CENPN: variants seen among roughly 807,000 people sequenced by gnomAD.
The protein encoded by CENPN is centromere protein N.
CENPN carries 36 observed loss-of-function variants against 48.6 expected under a neutral mutation model. That is an observed-to-expected ratio of 0.74 (90% CI 0.57 to 0.98). The LOEUF is 0.98. CENPN is among the 50% of genes least tolerant of loss of function. The pLI is 0.00. For missense variants in CENPN, 439 were observed against 399.2 expected, an observed-to-expected ratio of 1.10 and a Z score of -0.85; for synonymous variants, 166 against 135.2, an observed-to-expected ratio of 1.23 and a Z score of -1.58.
intron 1 of CENPN, among the ~76,000 whole-genome samples, chr16:81,011,133 C>G (rs1969724246): frequency 1.3e-5 from 2 of 152,148 alleles, no homozygotes; most frequent in Admixed American, 1.3e-4. Flanking sequence ...CTTCCCTGTT[C>G]CTCGAAGGCC....
At position 81,030,309 on chromosome 16, in the gene CENPN, T is replaced by G. The variant is rs1225177695; in HGVS notation, c.*1658T>G. ...GAGGATTTGGAGTTACAGAAACACA[T>G]TAGACTGGGCATGGTGGCTCACACT... On this transcript the variant is annotated 3_prime_UTR_variant, in exon 11 of 11. Coordinates refer to ENST00000305850, the MANE Select transcript of CENPN (RefSeq NM_001100624.3). 1.0e-6 allele frequency: 1 copy of G among 985,322 alleles called. No homozygotes were observed. 61.0% of individuals were successfully genotyped at this position (985,322 alleles called of 1,614,324 possible).
At position 81,022,370 on chromosome 16, in the gene CENPN, C is replaced by T. The variant is rs905925275; in HGVS notation, c.532-227C>T. The T allele has an allele frequency of 3.9e-5, 18 of 465,880 alleles. No homozygotes were observed. In the East Asian group the frequency reaches 5.3e-4, roughly 14 times the overall value. 28.9% of individuals were successfully genotyped at this position (465,880 alleles called of 1,614,324 possible). A position where few individuals can be genotyped will look rare whatever the true frequency, so the allele number is the denominator to read the frequency against. On this transcript the variant is annotated intron_variant, in intron 6 of 10. Coordinates refer to ENST00000305850, the MANE Select transcript of CENPN (RefSeq NM_001100624.3). Reference sequence around the variant, plus strand: ...AGTAACTCCTAACTTTAAACAGGATCGCTTTTCTAAGAAATGATACAAAAG... The same window carrying T: ...AGTAACTCCTAACTTTAAACAGGATTGCTTTTCTAAGAAATGATACAAAAG...
chr16:81,017,726 G>A, intron 4 of CENPN, 32 bp from the exon 5 acceptor site: 1 of 1,482,920 alleles, frequency 6.7e-7, no homozygotes. Flanking sequence ...TAGCTCCCTT[G>A]ATTTTTCTTT....
intron 1 of CENPN, among the ~76,000 whole-genome samples, chr16:81,007,899 G>C (rs1567544379): frequency 6.6e-6 from 1 of 152,122 alleles, no homozygotes; most frequent in Non-Finnish European, 1.5e-5. Context: ...CTTAGGTCAG[G>C]AGTTCGAGAC....
Position 81,029,747 on chromosome 16 carries a change from G to T in CENPN, c.*1096G>T, listed in dbSNP as rs1970682674. ...GCACCACCATGCCCAGCTAATTTTT[G>T]TATTTTTAGTAGAGACAGGGTTTCT... is the stretch of plus-strand genomic sequence containing the variant. On this transcript the variant is annotated 3_prime_UTR_variant, in exon 11 of 11. Transcript: ENST00000305850. 6.6e-6 allele frequency among the ~76,000 whole-genome samples: 1 copy of T among 152,052 alleles called. No individual in the cohort carries two copies. Among genetic ancestry groups the T allele is most frequent in the South Asian group, 2.1e-4 (1 of 4,816 alleles).
downstream of CENPN, chr16:81,033,008 C>G (rs1255433740): frequency 5.2e-6 from 1 of 193,068 alleles, no homozygotes; most frequent in Non-Finnish European, 1.1e-5. Context: ...AAAAGTGATA[C>G]ACAAAATGGC....
chr16:81,029,897 A>T lies in CENPN; in HGVS notation c.*1246A>T, dbSNP rs1383128810. On this transcript the variant is annotated 3_prime_UTR_variant, in exon 11 of 11. Transcript: ENST00000305850. ...CATGCTGCTAATAAAGATACCTAAG[A>T]CTGGGTAATTCACAAAGGAAAGAGG... Among the ~76,000 whole-genome samples, 1 of 152,190 alleles carries T rather than the reference A, an allele frequency of 6.6e-6. No individual in the cohort carries two copies. The highest frequency in any genetic ancestry group is 1.5e-5 in the Non-Finnish European group (1 of 68,046).
intron 9 of CENPN, among the ~76,000 whole-genome samples, chr16:81,027,471 C>T (rs2151713737): frequency 6.6e-6 from 1 of 152,270 alleles, no homozygotes. Flanking sequence ...CAAAGTAAGA[C>T]TCTGTCTCAA....
chr16:81,014,746 G>C (rs1597309406), intron 3 of CENPN, among the ~76,000 whole-genome samples: 1 of 152,268 alleles, frequency 6.6e-6, no homozygotes, highest in East Asian at 1.9e-4. Flanking sequence ...TGGCACATCA[G>C]AAACACAAAG....
intron 3 of CENPN, 69 bp downstream of exon 3, chr16:81,014,250 T>C: frequency 7.4e-7 from 1 of 1,359,240 alleles, no homozygotes; most frequent in Admixed American, 1.7e-5. Flanking sequence ...TTTCTTTCTT[T>C]GTGAGACAGG....
chr16:81,025,128 G>A (rs1044204995), intron 8 of CENPN, among the ~76,000 whole-genome samples: 1 of 119,642 alleles, frequency 8.4e-6, no homozygotes, highest in African/African-American at 2.9e-5. Flanking sequence ...CAGGAAACTG[G>A]GTTTCAGGGA....
In CENPN at chr16:81,025,689, CTCTTTTT is replaced by C. The variant is rs1267257403; in HGVS notation, c.698-835_698-829del. On this transcript the variant is annotated intron_variant, in intron 8 of 10. Coordinates refer to ENST00000305850, the MANE Select transcript of CENPN (RefSeq NM_001100624.3). ...TGGGCAACATAGTGAGACCCTGTCT[CTCTTTTT>C]TTTTTTTTTTTTTTTTTTTTTTTTA... Among the ~76,000 whole-genome samples, 56 of 135,232 alleles carry C rather than the reference CTCTTTTT, an allele frequency of 4.1e-4. 3 individuals are homozygous for C. The highest frequency in any genetic ancestry group is 1.6e-3 in the African/African-American group (55 of 34,032). 88.7% of individuals were successfully genotyped at this position (135,232 alleles called of 152,430 possible).
chr16:81,018,219 C>T (rs755081365), intron 5 of CENPN, among the ~76,000 whole-genome samples: 5 of 151,900 alleles, frequency 3.3e-5, no homozygotes, highest in African/African-American at 9.7e-5. Flanking sequence ...CTCTGTTGCC[C>T]AGGCTGGAGT....
intron 5 of CENPN, 45 bp downstream of exon 5, chr16:81,017,879 G>C (rs747602822): frequency 2.6e-6 from 3 of 1,155,502 alleles, no homozygotes; most frequent in Non-Finnish European, 3.8e-6. Context: ...ATGTCATGAC[G>C]TCTGTGCACT....
At chr16:81,014,974 A>AG (rs1191662375) in intron 3 of CENPN, among the ~76,000 whole-genome samples, 1 of 152,242 alleles carries the variant, frequency 6.6e-6, no homozygotes, top group African/African-American at 2.4e-5. Context: ...GCTCAACTGT[A>AG]GGCTAATGTA....
At position 81,012,083 on chromosome 16, in the gene CENPN, A is replaced by G. The variant is rs1458076988; in HGVS notation, c.144A>G (p.Val48=). 2.5e-6 allele frequency: 4 copies of G among 1,614,148 alleles called. 1 individual carries two copies. Among genetic ancestry groups the G allele is most frequent in the East Asian group, 2.2e-5 (1 of 44,868 alleles). ...ATTTCCGACAGAGAAAGGAATCTGTAGTTCAGCACTTGATCCATCTGTGTG... is the reference window on the plus strand; with the variant it reads ...ATTTCCGACAGAGAAAGGAATCTGTGGTTCAGCACTTGATCCATCTGTGTG... ...TVNFRQRKES[V]VQHLIHLCEE... The change falls in exon 2 of 11, where the codon GTA becomes GTG. Residue 48 remains valine (V), a synonymous_variant. Coordinates refer to ENST00000305850, the MANE Select transcript of CENPN (RefSeq NM_001100624.3).
intron 6 of CENPN, 91 bp downstream of exon 6, chr16:81,020,367 A>C: frequency 2.4e-6 from 3 of 1,276,410 alleles, no homozygotes; most frequent in Non-Finnish European, 3.2e-6. Flanking sequence ...TATTTGATAG[A>C]GAATACTAGG....
At position 81,020,083 on chromosome 16, in the gene CENPN, T is replaced by C. The variant is rs751728157; in HGVS notation, c.355-17T>C. 1 of 1,588,342 alleles carries C rather than the reference T, an allele frequency of 6.3e-7. No homozygotes were observed. Among genetic ancestry groups the C allele is most frequent in the Non-Finnish European group, 8.5e-7 (1 of 1,172,736 alleles). ...TTTAATTAGGAAATTAAGCCTTTTTTTTTTTTCTTTAATAAGGTGACAGTC... is the reference window on the plus strand; with the variant it reads ...TTTAATTAGGAAATTAAGCCTTTTTCTTTTTTCTTTAATAAGGTGACAGTC... On this transcript the variant is annotated splice_polypyrimidine_tract_variant and intron_variant, in intron 5 of 10. Coordinates refer to ENST00000305850, the MANE Select transcript of CENPN (RefSeq NM_001100624.3).
rs1330750151 is a variant in CENPN, at chr16:81,025,689, CTCTTTTTTT to C, written c.698-835_698-827del. 6.6e-3 allele frequency among the ~76,000 whole-genome samples: 887 copies of C among 135,218 alleles called. 47 individuals are homozygous for C. The highest frequency in any genetic ancestry group is 0.017 in the African/African-American group (594 of 34,026). The allele number at this position is 135,218 out of a possible 152,430, so 88.7% of individuals were successfully genotyped here. A position where few individuals can be genotyped will look rare whatever the true frequency, so the allele number is the denominator to read the frequency against. On this transcript the variant is annotated intron_variant, in intron 8 of 10. Coordinates refer to ENST00000305850, the MANE Select transcript of CENPN (RefSeq NM_001100624.3). ...TGGGCAACATAGTGAGACCCTGTCT[CTCTTTTTTT>C]TTTTTTTTTTTTTTTTTTTTTTAAG...
Sources: gnomAD v4.1 joint callset for allele counts (sites outside exome capture counted in the v4.1 genomes callset) on GRCh38, gnomAD v4.1.1 for gene constraint, MANE v1.5 for transcripts, NCBI Gene and HGNC (gene_info 2026-07-23, HGNC 2026-07-21) for gene names.